Variants in USP42 observed in about 807,000 individuals in gnomAD.
USP42 encodes ubiquitin specific peptidase 42.
In USP42, 23 loss-of-function variants were observed where a neutral mutation model predicts 113.0. The observed-to-expected ratio is 0.20, with a 90% CI of 0.15 to 0.29. The LOEUF (loss-of-function observed/expected upper bound fraction) is 0.29. Among genes scored for constraint, USP42 ranks in the 10% least tolerant of loss-of-function variants. USP42 has a pLI of 1.00. For synonymous variants in USP42, 933 were observed against 699.0 expected, an observed-to-expected ratio of 1.33 and a Z score of -5.28; for missense variants, 2,174 against 1,779.8, an observed-to-expected ratio of 1.22 and a Z score of -3.99.
In USP42 at chr7:6,113,870, C is replaced by T. The variant is rs372467750; in HGVS notation, c.242-1453C>T. On this transcript the variant is annotated intron_variant, in intron 2 of 17. Coordinates refer to ENST00000306177, the MANE Select transcript of USP42 (RefSeq NM_032172.3). ...TCTCCTGACCTTGTGATCCGCCCGC[C>T]TCGGCCTCCCAAAGTGCTGGGATTA... Among the ~76,000 whole-genome samples, 73 of 151,506 alleles carry T rather than the reference C, an allele frequency of 4.8e-4. 1 individual carries two copies. The East Asian group carries it at 0.013, about 26-fold the overall frequency.
At chr7:6,105,639 C>T (rs1444987496) in intron 1 of USP42, among the ~76,000 whole-genome samples, 1 of 152,206 alleles carries the variant, frequency 6.6e-6, no homozygotes, top group Non-Finnish European at 1.5e-5. Flanking sequence ...GAGGTGCCCA[C>T]GCCGGGCGGA....
At chr7:6,147,705 G>A (rs752735890) in intron 11 of USP42, 34 bp from the exon 12 acceptor site, 2 of 1,543,350 alleles carry the variant, frequency 1.3e-6, no homozygotes, top group Non-Finnish European at 1.8e-6. Context: ...GAGGTGTCCT[G>A]TGTCACCCTA....
In USP42 at chr7:6,157,929, G is replaced by A. The variant is rs565882713; in HGVS notation, c.3943+874G>A. 8.9e-4 allele frequency among the ~76,000 whole-genome samples: 136 copies of A among 152,238 alleles called. 1 individual carries two copies. Among genetic ancestry groups the A allele is most frequent in the African/African-American group, 2.9e-3 (122 of 41,562 alleles). ...GAGGCAGCCCCCCACTTCCTCTCCC[G>A]TTGGTGTCCGGTGACCGCTCACCCT... On this transcript the variant is annotated intron_variant, in intron 16 of 17. Coordinates refer to ENST00000306177, the MANE Select transcript of USP42 (RefSeq NM_032172.3). This position sits in a 1 kb window ranked among gnomAD's most constrained non-coding sequence, Gnocchi z 4.1.
the USP42 span, among the ~76,000 whole-genome samples, chr7:6,090,173 G>A: frequency 6.7e-6 from 1 of 148,640 alleles, no homozygotes; most frequent in African/African-American, 2.6e-5. Flanking sequence ...GGTGGCGCAT[G>A]CCTGTAATCC....
At chr7:6,118,754 A>G (rs1296796283) in intron 3 of USP42, among the ~76,000 whole-genome samples, 9 of 152,142 alleles carry the variant, frequency 5.9e-5, no homozygotes, top group African/African-American at 2.4e-5. Flanking sequence ...TTTTGTCACT[A>G]AATTGTCTTT....
intron 3 of USP42, among the ~76,000 whole-genome samples, chr7:6,128,688 C>T (rs968792594): frequency 1.6e-4 from 25 of 151,680 alleles, no homozygotes; most frequent in Admixed American, 1.4e-3. Flanking sequence ...AAGGCTTATT[C>T]TGCCATTTAA....
rs1200921239 is a variant in USP42 at position 6,155,038 on chromosome 7, C to T, written c.3484C>T (p.Arg1162Trp). 1.3e-6 allele frequency: 2 copies of T among 1,563,522 alleles called. No homozygotes were observed. The highest frequency in any genetic ancestry group is 2.4e-5 in the East Asian group (1 of 41,840). Reference sequence around the variant, plus strand: ...ACACGAAAATGGAAAGTCCCGGAAACGGAGACACGACAGTGTGGAGAACAG... The same window carrying T: ...ACACGAAAATGGAAAGTCCCGGAAATGGAGACACGACAGTGTGGAGAACAG... ...HEHENGKSRK[R>W]RHDSVENSDS... Residue 1162 changes from arginine to tryptophan, a missense_variant, in exon 15 of 18, where the codon CGG becomes TGG. Transcript: ENST00000306177.
chr7:6,159,631 G>T lies in USP42; in HGVS notation c.*36+138G>T, dbSNP rs1217629218. On this transcript the variant is annotated intron_variant, in intron 17 of 17. Coordinates refer to ENST00000306177, the MANE Select transcript of USP42 (RefSeq NM_032172.3). The surrounding 1 kb of genome is among the most constrained non-coding windows in gnomAD (Gnocchi z 4.1). Reference sequence around the variant, plus strand: ...CAGAGCCATGGAGAGGCCCCGGCAGGTTCCCAGCCAGCCCAGACCCAGGCC... The same window carrying T: ...CAGAGCCATGGAGAGGCCCCGGCAGTTTCCCAGCCAGCCCAGACCCAGGCC... The T allele has an allele frequency of 8.3e-6, 7 of 846,860 alleles. No homozygotes were observed. The highest frequency in any genetic ancestry group is 1.1e-5 in the Non-Finnish European group (6 of 544,696). 52.5% of individuals were successfully genotyped at this position (846,860 alleles called of 1,614,324 possible). A position where few individuals can be genotyped will look rare whatever the true frequency, so the allele number is the denominator to read the frequency against.
At chr7:6,113,907 C>T (rs1779739260) in intron 2 of USP42, among the ~76,000 whole-genome samples, 1 of 152,200 alleles carries the variant, frequency 6.6e-6, no homozygotes, top group South Asian at 2.1e-4. Flanking sequence ...AGGCATGAGC[C>T]ACTGTGCCCG....
intron 2 of USP42, among the ~76,000 whole-genome samples, 185 bp downstream of exon 2, chr7:6,111,559 G>C (rs1182710145): frequency 2.0e-5 from 3 of 151,852 alleles, no homozygotes; most frequent in Non-Finnish European, 4.4e-5. Flanking sequence ...CAACAGGGTA[G>C]ATTGTTTTTA....
chr7:6,091,174 C>T, the USP42 span, among the ~76,000 whole-genome samples: 1 of 151,042 alleles, frequency 6.6e-6, no homozygotes, highest in Non-Finnish European at 1.5e-5. Context: ...TTGATATTGT[C>T]AGTACATAGA....
intron 3 of USP42, among the ~76,000 whole-genome samples, chr7:6,126,793 C>T (rs1780571505): frequency 6.6e-6 from 1 of 152,082 alleles, no homozygotes; most frequent in Non-Finnish European, 1.5e-5. Context: ...CAGGTTGTTA[C>T]TAGTTTTGGG....
intron 3 of USP42, among the ~76,000 whole-genome samples, chr7:6,129,916 T>G (rs899723560): frequency 2.0e-4 from 30 of 151,996 alleles, no homozygotes; most frequent in African/African-American, 7.0e-4. Flanking sequence ...TCAGACAATG[T>G]TATAATTTTT....
the USP42 span, among the ~76,000 whole-genome samples, chr7:6,086,639 A>G: frequency 1.3e-5 from 2 of 150,060 alleles, no homozygotes; most frequent in East Asian, 3.9e-4. Flanking sequence ...CATGAGCTAC[A>G]TCAGCCTTTT....
At chr7:6,148,310 C>T (rs532473144) in intron 12 of USP42, among the ~76,000 whole-genome samples, 15 of 152,262 alleles carry the variant, frequency 9.9e-5, no homozygotes, top group Middle Eastern at 3.4e-3. Flanking sequence ...GCACTCCAGC[C>T]TGGGCAACAG....
the USP42 span, among the ~76,000 whole-genome samples, chr7:6,086,399 A>G: frequency 1.3e-5 from 2 of 149,800 alleles, no homozygotes; most frequent in African/African-American, 2.5e-5. Flanking sequence ...TAGAGATAGG[A>G]TTTCACCGTG....
rs116878640 is a variant in USP42 at position 6,126,637 on chromosome 7, T to C, written c.443-9204T>C. Among the ~76,000 whole-genome samples, 116 of 152,296 alleles carry C rather than the reference T, an allele frequency of 7.6e-4. 1 individual carries two copies. The East Asian group carries it at 0.021, about 28-fold the overall frequency. On this transcript the variant is annotated intron_variant, in intron 3 of 17. Coordinates refer to ENST00000306177, the MANE Select transcript of USP42 (RefSeq NM_032172.3). ...TTTCCATTAAAGGATATCCGGTTGTTTCTAGTTTTGGGATATCGTGAGTGG... is the reference window on the plus strand; with the variant it reads ...TTTCCATTAAAGGATATCCGGTTGTCTCTAGTTTTGGGATATCGTGAGTGG...
chr7:6,124,903 G>A (rs112756626), intron 3 of USP42, among the ~76,000 whole-genome samples: 21 of 152,084 alleles, frequency 1.4e-4, no homozygotes, highest in Non-Finnish European at 2.9e-4. Flanking sequence ...TTCTCAGGCC[G>A]GTGCCAGTGG....
rs1782501470 is a variant in USP42, at chr7:6,157,167, G to C, written c.3943+112G>C. 2.1e-6 allele frequency: 3 copies of C among 1,441,554 alleles called. No homozygotes were observed. In the African/African-American group the frequency reaches 4.3e-5, roughly 21 times the overall value. The allele number at this position is 1,441,554 out of a possible 1,614,324, so 89.3% of individuals were successfully genotyped here. Reference sequence around the variant, plus strand: ...ACCTCAGGTGGCATCAAAGGGCACAGTTACTCAGAGCACCCCTGCCCTGCC... The same window carrying C: ...ACCTCAGGTGGCATCAAAGGGCACACTTACTCAGAGCACCCCTGCCCTGCC... On this transcript the variant is annotated intron_variant, in intron 16 of 17. Coordinates refer to ENST00000306177, the MANE Select transcript of USP42 (RefSeq NM_032172.3). The surrounding 1 kb of genome is among the most constrained non-coding windows in gnomAD (Gnocchi z 4.1).
Sources: gnomAD v4.1 joint callset for allele counts (sites outside exome capture counted in the v4.1 genomes callset) on GRCh38, gnomAD v4.1.1 for gene constraint, Gnocchi (gnomAD v3.1) non-coding constraint, MANE v1.5 for transcripts, NCBI Gene and HGNC (gene_info 2026-07-23, HGNC 2026-07-21) for gene names.